Variants in FHIP2B observed in about 807,000 individuals in gnomAD.
The protein encoded by FHIP2B is FHF complex subunit HOOK-interacting protein 2B.
FHIP2B carries 72 observed loss-of-function variants against 84.0 expected under a neutral mutation model. That is an observed-to-expected ratio of 0.86 (90% CI 0.71 to 1.04). The LOEUF (loss-of-function observed/expected upper bound fraction) is 1.04, where lower values mean the gene tolerates loss of function less well. Ranked by LOEUF, FHIP2B falls within the 50% of genes least tolerant of loss-of-function variation. The pLI, the probability that FHIP2B is intolerant of heterozygous loss-of-function variation, is 0.00. For missense variants in FHIP2B, 972 were observed against 968.9 expected, an observed-to-expected ratio of 1.00 and a Z score of -0.04; for synonymous variants, 497 against 418.7, an observed-to-expected ratio of 1.19 and a Z score of -2.28.
In FHIP2B at chr8:22,101,739, G is replaced by A; in HGVS notation, c.1739G>A (p.Trp580Ter). ...FQECSSRVASWGWPLTPTPLD... is the reference protein window; with the variant it reads ...FQECSSRVAS ...GAGTGCAGCTCCCGCGTCGCCTCCT[G>A]GGGCTGGCCTCTGACCCCCACACCT... The change falls in exon 14 of 17, where the codon TGG (tryptophan) becomes TAG (stop). Residue 580 changes from tryptophan to a stop codon, truncating the protein, a stop_gained. Transcript: ENST00000289921. LOFTEE classifies it high-confidence loss of function. 6.2e-7 allele frequency: 1 copy of A among 1,612,986 alleles called. No individual in the cohort carries two copies. Among genetic ancestry groups the A allele is most frequent in the Non-Finnish European group, 8.5e-7 (1 of 1,179,546 alleles).
rs1825687910 is a variant in FHIP2B at position 22,095,001 on chromosome 8, C to G, written c.124+483C>G. The G allele has an allele frequency of 2.4e-5, 15 of 634,164 alleles. 1 individual carries two copies. Among genetic ancestry groups the G allele is most frequent in the Non-Finnish European group, 3.0e-5 (15 of 504,182 alleles). The allele number at this position is 634,164 out of a possible 1,614,324, so 39.3% of individuals were successfully genotyped here. On this transcript the variant is annotated intron_variant, in intron 2 of 16. Coordinates refer to ENST00000289921, the MANE Select transcript of FHIP2B (RefSeq NM_022749.7). ...GTGGGTAACATGCCTGGGTCCCTCT[C>G]TCCAAGCTGACACCCCAAAGAGCCA...
At position 22,098,444 on chromosome 8, in the gene FHIP2B, G is replaced by A; in HGVS notation, c.790G>A (p.Ala264Thr). The A allele has an allele frequency of 3.7e-6, 6 of 1,602,690 alleles. No individual in the cohort carries two copies. Among genetic ancestry groups the A allele is most frequent in the Non-Finnish European group, 4.3e-6 (5 of 1,172,532 alleles). ...CTAGAAGAGTCGGGTGGCCTTGAAG[G>A]CCCAGGAGAACCTGCTGCTCCTGGT... ...QSKKSRVALK[A>T]QENLLLLVSM... Residue 264 changes from alanine (A) to threonine (T), a missense_variant, in exon 7 of 17, where the codon GCC becomes ACC. Transcript: ENST00000289921.
chr8:22,089,175 C>A lies in FHIP2B; in HGVS notation c.-79C>A. 1.1e-6 allele frequency: 1 copy of A among 938,700 alleles called. No homozygotes were observed. Among genetic ancestry groups the A allele is most frequent in the Non-Finnish European group, 1.3e-6 (1 of 772,658 alleles). The allele number at this position is 938,700 out of a possible 1,614,324, so 58.1% of individuals were successfully genotyped here. A position where few individuals can be genotyped will look rare whatever the true frequency, so the allele number is the denominator to read the frequency against. On this transcript the variant is annotated 5_prime_UTR_variant, in exon 1 of 17. Coordinates refer to ENST00000289921, the MANE Select transcript of FHIP2B (RefSeq NM_022749.7). ...GCCCCCCTCGTCGCGCCGGGGCCGC[C>A]GGGGCCACGGGGCTGCCTCCTCCGC...
Position 22,102,800 on chromosome 8 carries a change from C to A in FHIP2B, c.2101C>A (p.His701Asn). 1 of 1,613,288 alleles carries A rather than the reference C, an allele frequency of 6.2e-7. No individual in the cohort carries two copies. Among genetic ancestry groups the A allele is most frequent in the Non-Finnish European group, 8.5e-7 (1 of 1,179,684 alleles). The change falls in exon 17 of 17, where the codon CAC (histidine) becomes AAC (asparagine). Residue 701 changes from histidine to asparagine, a missense_variant. His to Asn is a moderately conservative substitution (Grantham distance 68). Coordinates refer to ENST00000289921, the MANE Select transcript of FHIP2B (RefSeq NM_022749.7). ...TGTGCCATCTCCCCTCAGGCTGGACCACCAGACCCTCCTCCAGGGCGTGGT... is the reference window on the plus strand; with the variant it reads ...TGTGCCATCTCCCCTCAGGCTGGACAACCAGACCCTCCTCCAGGGCGTGGT... ...TGQAPGEQLD[H>N]QTLLQGVVVL... is the part of the protein sequence containing the mutation.
intron 11 of FHIP2B, 52 bp downstream of exon 11, chr8:22,100,791 G>C: frequency 6.2e-7 from 1 of 1,612,028 alleles, no homozygotes; most frequent in Non-Finnish European, 8.5e-7. Context: ...GCACTCGCAC[G>C]CTCACTCTGT....
In FHIP2B at chr8:22,102,829, G is replaced by A. The variant is rs1419589034; in HGVS notation, c.2130G>A (p.Val710=). Residue 710 remains valine, a synonymous_variant, in exon 17 of 17, where the codon GTG becomes GTA. Coordinates refer to ENST00000289921, the MANE Select transcript of FHIP2B (RefSeq NM_022749.7). The part of the protein sequence containing the change: ...DHQTLLQGVV[V]LEEFCKELAA... ...AGACCCTCCTCCAGGGCGTGGTGGT[G>A]CTGGAGGAGTTCTGCAAGGAGCTGG... 6.2e-7 allele frequency: 1 copy of A among 1,613,674 alleles called. No individual in the cohort carries two copies. Among genetic ancestry groups the A allele is most frequent in the Admixed American group, 1.7e-5 (1 of 60,022 alleles).
At chr8:22,093,349 A>G (rs1367771144) in intron 1 of FHIP2B, among the ~76,000 whole-genome samples, 1 of 152,150 alleles carries the variant, frequency 6.6e-6, no homozygotes, top group Non-Finnish European at 1.5e-5. Flanking sequence ...GTTTTTGAGA[A>G]GTTTTCAGGG....
At chr8:22,100,521 G>A in intron 10 of FHIP2B, 73 bp from the exon 11 acceptor site, 2 of 1,451,048 alleles carry the variant, frequency 1.4e-6, no homozygotes, top group Non-Finnish European at 1.8e-6. Flanking sequence ...TCTTATCTGG[G>A]TTAGCCATGC....
At chr8:22,089,376 G>T in intron 1 of FHIP2B, 78 bp downstream of exon 1, 2 of 898,534 alleles carry the variant, frequency 2.2e-6, no homozygotes, top group Non-Finnish European at 2.7e-6. Flanking sequence ...AGCCGGGCGC[G>T]GCCCGCAGGA....
intron 3 of FHIP2B, 124 bp from the exon 4 acceptor site, chr8:22,097,392 C>A: frequency 1.6e-6 from 1 of 622,854 alleles, no homozygotes; most frequent in East Asian, 2.7e-5. Flanking sequence ...CCTCAGTACC[C>A]CCCAGGCATG....
In FHIP2B at chr8:22,102,227, T is replaced by C. The variant is rs1586348434; in HGVS notation, c.1904T>C (p.Phe635Ser). The C allele has an allele frequency of 1.2e-6, 2 of 1,613,078 alleles. No homozygotes were observed. Among genetic ancestry groups the C allele is most frequent in the Admixed American group, 3.3e-5 (2 of 59,964 alleles). Residue 635 changes from phenylalanine (F) to serine (S), a missense_variant, in exon 15 of 17, where the codon TTC (phenylalanine) becomes TCC (serine). Transcript: ENST00000289921. ...TCGGTCCTGTCCCGGCTTGCCCTCT[T>C]CCCCCACCCCCATATTCATGAGTAC... ...VTSVLSRLAL[F>S]PHPHIHEYLL...
rs199702911 is a variant in FHIP2B, at chr8:22,102,644, G to A, written c.2093+16G>A. The A allele has an allele frequency of 6.4e-7, 1 of 1,563,064 alleles. No homozygotes were observed. Among genetic ancestry groups the A allele is most frequent in the East Asian group, 2.4e-5 (1 of 41,908 alleles). On this transcript the variant is annotated intron_variant, in intron 16 of 16. Transcript: ENST00000289921. The stretch of plus-strand genomic sequence containing the variant: ...CTGGGGAGCAGTGAGTACCAAGGGT[G>A]CCAGGTGAAGCCTTGGGGTGGGAGA...
chr8:22,099,785 G>T lies in FHIP2B; in HGVS notation c.1233G>T (p.Glu411Asp). 1 of 1,612,650 alleles carries T rather than the reference G, an allele frequency of 6.2e-7. No homozygotes were observed. The highest frequency in any genetic ancestry group is 1.1e-5 in the South Asian group (1 of 91,020). ...RQLRSPALLR[E>D]AVAFLLGTDR... ...TTCGCTCCCCTGCGCTGCTGCGGGA[G>T]GCCGTGGCTTTCCTCCTGGGCACAG... Residue 411 changes from glutamate to aspartate, a missense_variant, in exon 10 of 17, where the codon GAG (glutamate) becomes GAT (aspartate). Physicochemically the swap from Glu to Asp is conservative, Grantham distance 45. Coordinates refer to ENST00000289921, the MANE Select transcript of FHIP2B (RefSeq NM_022749.7).
At position 22,099,321 on chromosome 8, in the gene FHIP2B, A is replaced by T. The variant is rs753402658; in HGVS notation, c.1112A>T (p.Asn371Ile). Residue 371 changes from asparagine (N) to isoleucine (I), a missense_variant, in exon 9 of 17, where the codon AAC (asparagine) becomes ATC (isoleucine). Asn to Ile is a moderately radical substitution (Grantham distance 149). Transcript: ENST00000289921. ...ADALAKAVAE[N>I]FFVETLQPQL... ...GCCTTGGCGAAGGCTGTGGCTGAGA[A>T]CTTCTTCGTGGAGACCCTGCAGCCC... 8.7e-6 allele frequency: 14 copies of T among 1,613,666 alleles called. No individual in the cohort carries two copies. The African/African-American group carries it at 1.7e-4, about 20-fold the overall frequency.
At chr8:22,101,105 T>C in intron 12 of FHIP2B, 133 bp downstream of exon 12, 1 of 1,229,330 alleles carries the variant, frequency 8.1e-7, no homozygotes, top group Non-Finnish European at 1.1e-6. Flanking sequence ...AACCTCCACC[T>C]CCCGGGTTCC....
intron 12 of FHIP2B, 200 bp downstream of exon 12, chr8:22,101,172 A>G: frequency 1.5e-6 from 1 of 682,742 alleles, no homozygotes; most frequent in Non-Finnish European, 2.4e-6. Context: ...ACAGACATGC[A>G]CCACCACACC....
At position 22,101,745 on chromosome 8, in the gene FHIP2B, G is replaced by A; in HGVS notation, c.1745G>A (p.Trp582Ter). 6.2e-7 allele frequency: 1 copy of A among 1,613,178 alleles called. No individual in the cohort carries two copies. The change falls in exon 14 of 17, where the codon TGG becomes TAG. Residue 582 changes from tryptophan to a stop codon, truncating the protein, a stop_gained. Transcript: ENST00000289921. LOFTEE classifies it high-confidence loss of function. The part of the protein sequence containing the change: ...ECSSRVASWG[W>*]PLTPTPLDPH... Reference sequence around the variant, plus strand: ...AGCTCCCGCGTCGCCTCCTGGGGCTGGCCTCTGACCCCCACACCTTTGGAC... The same window carrying A: ...AGCTCCCGCGTCGCCTCCTGGGGCTAGCCTCTGACCCCCACACCTTTGGAC...
intron 10 of FHIP2B, chr8:22,100,336 A>G (rs1586340803): frequency 4.6e-6 from 2 of 430,242 alleles, no homozygotes; most frequent in Non-Finnish European, 4.0e-6. Context: ...TTTCTCAGAC[A>G]TGGAAAGTAA....
chr8:22,094,600 C>G, intron 2 of FHIP2B, 82 bp downstream of exon 2: 8 of 1,588,778 alleles, frequency 5.0e-6, no homozygotes, highest in Non-Finnish European at 6.8e-6. Flanking sequence ...ATTCAGGTGT[C>G]CTGGGAAAGG....
Sources: allele counts gnomAD v4.1 joint callset (sites outside exome capture counted in the v4.1 genomes callset), GRCh38; gene constraint gnomAD v4.1.1; transcripts MANE v1.5; gene names NCBI Gene and HGNC (gene_info 2026-07-23, HGNC 2026-07-21).